The following PTPRD variants were observed in gnomAD, a reference collection of about 807,000 sequenced individuals.
The protein encoded by PTPRD is receptor-type tyrosine-protein phosphatase delta.
In PTPRD, 34 loss-of-function variants were observed where a neutral mutation model predicts 214.5. That is an observed-to-expected ratio of 0.16 (90% CI 0.12 to 0.21). The LOEUF (loss-of-function observed/expected upper bound fraction) is 0.21, where lower values mean the gene tolerates loss of function less well. Among genes scored for constraint, PTPRD ranks in the 10% least tolerant of loss-of-function variants. The pLI is 1.00. For missense variants in PTPRD, 2,545 were observed against 2,398.7 expected (o/e 1.06, Z -1.27); for synonymous variants, 1,128 against 845.7 (o/e 1.33, Z -5.79).
At chr9:8,323,787 T>C (rs1830795852) in intron 44 of PTPRD, among the ~76,000 whole-genome samples, 1 of 152,082 alleles carries the variant, frequency 6.6e-6, no homozygotes. Flanking sequence ...AACAAAGGAT[T>C]TAGAATAGTA....
intron 39 of PTPRD, among the ~76,000 whole-genome samples, chr9:8,374,110 G>A (rs908060387): frequency 8.2e-6 from 1 of 121,494 alleles, no homozygotes; most frequent in African/African-American, 3.8e-5. Context: ...AATTACACAC[G>A]TGTCTGTGTG....
At chr9:8,370,227 C>A (rs1036139930) in intron 39 of PTPRD, among the ~76,000 whole-genome samples, 1 of 34,998 alleles carries the variant, frequency 2.9e-5, no homozygotes, top group African/African-American at 4.3e-5. Flanking sequence ...CACACACACA[C>A]ACACACACAC....
At chr9:10,480,307 C>T (rs1231932878) in intron 2 of PTPRD, among the ~76,000 whole-genome samples, 2 of 152,162 alleles carry the variant, frequency 1.3e-5, no homozygotes, top group Admixed American at 1.3e-4. Context: ...CTCTACCAGG[C>T]AGCTGAGAAA....
intron 14 of PTPRD, among the ~76,000 whole-genome samples, chr9:8,533,599 T>C (rs1447935753): frequency 3.9e-5 from 6 of 151,946 alleles, no homozygotes; most frequent in African/African-American, 1.4e-4. Context: ...CATGAAGCAT[T>C]CATCCCCTGG....
At chr9:9,591,329 G>T (rs2092706531) in intron 7 of PTPRD, among the ~76,000 whole-genome samples, 3 of 152,104 alleles carry the variant, frequency 2.0e-5, no homozygotes, top group African/African-American at 7.2e-5. Context: ...GCAAGGAAAT[G>T]AAGAAAATGG....
chr9:8,316,270 G>T lies in PTPRD; in HGVS notation c.*1604C>A. 4.3e-6 allele frequency: 1 copy of T among 230,358 alleles called. No individual in the cohort carries two copies. The highest frequency in any genetic ancestry group is 6.2e-5 in the East Asian group (1 of 16,204). 14.3% of individuals were successfully genotyped at this position (230,358 alleles called of 1,614,324 possible). A position where few individuals can be genotyped will look rare whatever the true frequency, so the allele number is the denominator to read the frequency against. ...GATAATGCTTTAATAGAAAGTAACA[G>T]ATACGAACAGTGAATGGAAATACGA... On this transcript the variant is annotated 3_prime_UTR_variant, in exon 46 of 46. Transcript: ENST00000381196.
At chr9:10,534,945 A>T (rs888086276) in intron 2 of PTPRD, among the ~76,000 whole-genome samples, 2 of 152,170 alleles carry the variant, frequency 1.3e-5, no homozygotes, top group African/African-American at 4.8e-5. Flanking sequence ...AAATAGCAAC[A>T]TTGCAGCCCA....
intron 2 of PTPRD, among the ~76,000 whole-genome samples, chr9:10,503,193 CA>C (rs753847764): frequency 0.051 from 3,525 of 69,088 alleles, 163 homozygotes; most frequent in African/African-American, 0.14. Context: ...AGCTGCAATA[CA>C]AAAAAAAAAA....
chr9:10,358,085 C>T lies in PTPRD; in HGVS notation c.-599-17068G>A, dbSNP rs986273042. 2.1e-4 allele frequency among the ~76,000 whole-genome samples: 32 copies of T among 152,060 alleles called. 1 individual carries two copies. Among genetic ancestry groups the T allele is most frequent in the Non-Finnish European group, 4.4e-5 (3 of 67,974 alleles). On this transcript the variant is annotated intron_variant, in intron 2 of 45. Coordinates refer to ENST00000381196, the MANE Select transcript of PTPRD (RefSeq NM_002839.4). The stretch of plus-strand genomic sequence containing the variant: ...TAATATTTAAAATGCAAGAAAGCTA[C>T]ATATCTGATAGAGGACAAAACCCTG...
At chr9:9,239,095 G>T (rs528822161) in intron 9 of PTPRD, among the ~76,000 whole-genome samples, 1 of 150,992 alleles carries the variant, frequency 6.6e-6, no homozygotes, top group South Asian at 2.1e-4. Context: ...CCCATGAGAT[G>T]TAAATCTATT....
chr9:8,426,159 C>G lies in PTPRD; in HGVS notation c.4086+10433G>C, dbSNP rs542517830. Among the ~76,000 whole-genome samples, 5 of 152,164 alleles carry G rather than the reference C, an allele frequency of 3.3e-5. No individual in the cohort carries two copies. The South Asian group carries it at 1.0e-3, about 32-fold the overall frequency. On this transcript the variant is annotated intron_variant, in intron 35 of 45. Transcript: ENST00000381196. ...ACAAGAGCCACTTCTGTTGACCAAGCGCAGAGGGCAATGGGCCAGGTGCCT... is the reference window on the plus strand; with the variant it reads ...ACAAGAGCCACTTCTGTTGACCAAGGGCAGAGGGCAATGGGCCAGGTGCCT...
At chr9:8,394,880 G>A (rs1031735549) in intron 36 of PTPRD, among the ~76,000 whole-genome samples, 8 of 152,086 alleles carry the variant, frequency 5.3e-5, no homozygotes, top group South Asian at 2.1e-4. Flanking sequence ...CAAAAAGCAA[G>A]AGGAAGTAGT....
At chr9:9,725,725 A>G (rs1481749574) in intron 7 of PTPRD, among the ~76,000 whole-genome samples, 1 of 152,230 alleles carries the variant, frequency 6.6e-6, no homozygotes, top group African/African-American at 2.4e-5. Context: ...AAGAATAAAC[A>G]TTTGAGAAGT....
At chr9:9,457,638 A>G (rs1395720673) in intron 8 of PTPRD, among the ~76,000 whole-genome samples, 1 of 152,078 alleles carries the variant, frequency 6.6e-6, no homozygotes, top group Non-Finnish European at 1.5e-5. Context: ...TGAGTTTTAG[A>G]GACATGTTCC....
intron 12 of PTPRD, among the ~76,000 whole-genome samples, chr9:8,690,395 T>C (rs137875445): frequency 1.6e-3 from 234 of 150,800 alleles, no homozygotes; most frequent in African/African-American, 5.2e-3. Context: ...GGCATGGTGG[T>C]GGGTGCCTGT....
chr9:10,550,621 G>A (rs972357687), intron 2 of PTPRD, among the ~76,000 whole-genome samples: 3 of 152,160 alleles, frequency 2.0e-5, no homozygotes, highest in African/African-American at 4.8e-5. Flanking sequence ...GGTTGAAAAT[G>A]GTCCTTGGGT....
chr9:8,741,586 T>C (rs1240408430), intron 11 of PTPRD, among the ~76,000 whole-genome samples: 1 of 78,190 alleles, frequency 1.3e-5, no homozygotes, highest in Non-Finnish European at 2.8e-5. Flanking sequence ...TTTTTTTTTT[T>C]TTTTTTTTTT....
At chr9:9,998,041 G>A (rs2096189869) in intron 4 of PTPRD, among the ~76,000 whole-genome samples, 2 of 149,552 alleles carry the variant, frequency 1.3e-5, no homozygotes, top group South Asian at 2.1e-4. Flanking sequence ...CCACTTTTCT[G>A]CCCCACACAG....
chr9:10,321,954 G>A (rs2154428149), intron 3 of PTPRD, among the ~76,000 whole-genome samples: 1 of 152,148 alleles, frequency 6.6e-6, no homozygotes, highest in South Asian at 2.1e-4. Context: ...AGTTAGAGAT[G>A]CATATTAATG....
Sources: gnomAD v4.1 joint callset for allele counts (sites outside exome capture counted in the v4.1 genomes callset) on GRCh38, gnomAD v4.1.1 for gene constraint, MANE v1.5 for transcripts, NCBI Gene and HGNC (gene_info 2026-07-23, HGNC 2026-07-21) for gene names.